ZNF587: variants seen among roughly 807,000 people sequenced by gnomAD.
The protein encoded by ZNF587 is zinc finger protein zfp6.
ZNF587 carries 8 observed loss-of-function variants against 7.5 expected under a neutral mutation model. The observed-to-expected ratio is 1.06, with a 90% CI of 0.62 to 1.92. The LOEUF (loss-of-function observed/expected upper bound fraction) is 1.92, where lower values mean the gene tolerates loss of function less well. Among genes scored for constraint, ZNF587 ranks in the 40% most tolerant of loss-of-function variants. The pLI, the probability that ZNF587 is intolerant of heterozygous loss-of-function variation, is 0.00. For missense variants in ZNF587, 468 were observed against 692.8 expected (o/e 0.68, Z 3.64); for synonymous variants, 145 against 237.8 (o/e 0.61, Z 3.59).
intron 2 of ZNF587, among the ~76,000 whole-genome samples, chr19:57,857,520 A>ACCT (rs778822090): frequency 6.6e-6 from 1 of 151,756 alleles, no homozygotes; most frequent in African/African-American, 2.4e-5. Flanking sequence ...CCATGGTTAA[A>ACCT]CCATCTATGA....
At position 57,861,586 on chromosome 19, in the gene ZNF587, C is replaced by CAA. The variant is rs1272827715; in HGVS notation, c.*1449_*1450dup. Reference sequence around the variant, plus strand: ...TCAGGCGATCCACTTGCCTAGGCTCCAAAAGTGCTTGGTCTACAGGGGTGA... The same window carrying CAA: ...TCAGGCGATCCACTTGCCTAGGCTCCAAAAAAGTGCTTGGTCTACAGGGGTGA... On this transcript the variant is annotated 3_prime_UTR_variant, in exon 3 of 3. Transcript: ENST00000339656. 1.3e-5 allele frequency: 2 copies of CAA among 152,256 alleles called. No individual in the cohort carries two copies. The highest frequency in any genetic ancestry group is 4.8e-5 in the African/African-American group (2 of 41,528). The allele number at this position is 152,256 out of a possible 1,614,324, so 9.4% of individuals were successfully genotyped here.
chr19:57,855,422 G>A (rs916961630), intron 1 of ZNF587, among the ~76,000 whole-genome samples: 3 of 152,094 alleles, frequency 2.0e-5, no homozygotes, highest in Non-Finnish European at 2.9e-5. Context: ...CTCTGGTGGG[G>A]GTGGCCATGG....
Position 57,861,164 on chromosome 19 carries a change from A to C in ZNF587, c.*1024A>C, listed in dbSNP as rs981565457. 4 of 152,184 alleles carry C rather than the reference A, an allele frequency of 2.6e-5. No individual in the cohort carries two copies. The highest frequency in any genetic ancestry group is 5.9e-5 in the Non-Finnish European group (4 of 68,038). 9.4% of individuals were successfully genotyped at this position (152,184 alleles called of 1,614,324 possible). On this transcript the variant is annotated 3_prime_UTR_variant, in exon 3 of 3. Transcript: ENST00000339656. ...GGCCTAATGTACAACTTTTTAAGCA[A>C]TGCCAAACTATGACTTAAGAATGAA...
chr19:57,853,123 G>C (rs2071303732), intron 1 of ZNF587, among the ~76,000 whole-genome samples: 2 of 152,168 alleles, frequency 1.3e-5, no homozygotes, highest in African/African-American at 2.4e-5. Flanking sequence ...CAAGTGCTGG[G>C]ATTATAGGCA....
chr19:57,859,168 T>C lies in ZNF587; in HGVS notation c.756T>C (p.Tyr252=), dbSNP rs1194888647. ...CSDCGKSFSR[Y]VSFSNHQRDH... is the part of the protein sequence containing the mutation. Reference sequence around the variant, plus strand: ...ATTGTGGAAAATCCTTTAGCAGATATGTCAGCTTCAGTAATCATCAGCGAG... The same window carrying C: ...ATTGTGGAAAATCCTTTAGCAGATACGTCAGCTTCAGTAATCATCAGCGAG... Residue 252 remains tyrosine, a synonymous_variant, in exon 3 of 3, where the codon TAT becomes TAC. Transcript: ENST00000339656. The C allele has an allele frequency of 6.2e-7, 1 of 1,609,606 alleles. No homozygotes were observed. Among genetic ancestry groups the C allele is most frequent in the African/African-American group, 1.4e-5 (1 of 73,410 alleles).
chr19:57,854,977 C>A (rs2071333132), intron 1 of ZNF587, among the ~76,000 whole-genome samples: 1 of 151,422 alleles, frequency 6.6e-6, no homozygotes, highest in Non-Finnish European at 1.5e-5. Flanking sequence ...GAGATCGAGA[C>A]CATCCTGGCT....
At chr19:57,857,154 C>A (rs1600122825) in intron 2 of ZNF587, 1 of 152,050 alleles carries the variant, frequency 6.6e-6, no homozygotes, top group East Asian at 1.9e-4. Flanking sequence ...CCATGTTTGA[C>A]AAGATGTGGT....
At chr19:57,854,666 C>T (rs925433504) in intron 1 of ZNF587, among the ~76,000 whole-genome samples, 6 of 151,910 alleles carry the variant, frequency 3.9e-5, no homozygotes, top group African/African-American at 1.4e-4. Context: ...CCATCCCTAC[C>T]AGCAGAGTTA....
intron 1 of ZNF587, 82 bp downstream of exon 1, chr19:57,850,153 T>G (rs578227686): frequency 1.2e-6 from 2 of 1,612,522 alleles, no homozygotes; most frequent in Non-Finnish European, 1.7e-6. Flanking sequence ...CTCCTGCTCG[T>G]GGGTCTGTAG....
Position 57,860,128 on chromosome 19 carries a change from A to T in ZNF587, c.1716A>T (p.Arg572Ser). 2 of 1,614,178 alleles carry T rather than the reference A, an allele frequency of 1.2e-6. No homozygotes were observed. The highest frequency in any genetic ancestry group is 1.7e-6 in the Non-Finnish European group (2 of 1,180,014). ...TTCATCATCAGAGTTCACACAGGAG[A>T]AAGGCCTTATGAGTGCAGTGAATAT... Reference protein sequence around the residue: ...TLLHHQSSHRRKAL With the variant: ...TLLHHQSSHRSKAL The change falls in exon 3 of 3, where the codon AGA (arginine) becomes AGT (serine). Residue 572 changes from arginine (R) to serine (S), a missense_variant. Arg to Ser is a moderately radical substitution (Grantham distance 110). This residue lies in a region of ZNF587 where 310 missense variants were observed against 325.6 expected (regional missense o/e 0.95). Transcript: ENST00000339656.
rs762967877 is a variant in ZNF587 at position 57,858,900 on chromosome 19, T to G, written c.488T>G (p.Leu163Arg). Residue 163 changes from leucine to arginine, a missense_variant, in exon 3 of 3, where the codon CTC becomes CGC. This residue lies in a region of ZNF587 where 23 missense variants were observed against 166.4 expected (regional missense o/e 0.14). Coordinates refer to ENST00000339656, the MANE Select transcript of ZNF587 (RefSeq NM_032828.4). Reference protein sequence around the residue: ...REASFVKKRKLRVSQEPFVFR... With the variant: ...REASFVKKRKRRVSQEPFVFR... ...GCATCGTTTGTAAAGAAACGTAAGC[T>G]CAGGGTGTCACAGGAGCCATTTGTC... 1 of 1,611,006 alleles carries G rather than the reference T, an allele frequency of 6.2e-7. No individual in the cohort carries two copies. Among genetic ancestry groups the G allele is most frequent in the Admixed American group, 1.7e-5 (1 of 59,704 alleles).
intron 1 of ZNF587, among the ~76,000 whole-genome samples, chr19:57,855,308 G>A (rs149171089): frequency 4.0e-4 from 61 of 152,230 alleles, no homozygotes; most frequent in Non-Finnish European, 6.9e-4. Context: ...TTGTGTTCCT[G>A]CACTCCAGCC....
chr19:57,853,225 C>T (rs1461460711), intron 1 of ZNF587, among the ~76,000 whole-genome samples: 1 of 152,192 alleles, frequency 6.6e-6, no homozygotes, highest in African/African-American at 2.4e-5. Flanking sequence ...GGTTTTTGAT[C>T]TTAGCAGCTG....
At chr19:57,856,772 G>T (rs1568507430) in intron 2 of ZNF587, among the ~76,000 whole-genome samples, 1 of 152,030 alleles carries the variant, frequency 6.6e-6, no homozygotes, top group Non-Finnish European at 1.5e-5. Context: ...GAAGGAGTCA[G>T]AGTCAGGAGT....
At chr19:57,855,904 A>G in intron 1 of ZNF587, 200 bp from the exon 2 acceptor site, 1 of 886,040 alleles carries the variant, frequency 1.1e-6, no homozygotes, top group South Asian at 1.8e-5. Flanking sequence ...CAGCATGGAT[A>G]CCTATTTGTC....
chr19:57,859,725 G>C lies in ZNF587; in HGVS notation c.1313G>C (p.Cys438Ser). 1 of 1,613,788 alleles carries C rather than the reference G, an allele frequency of 6.2e-7. No homozygotes were observed. Among genetic ancestry groups the C allele is most frequent in the Non-Finnish European group, 8.5e-7 (1 of 1,179,956 alleles). The change falls in exon 3 of 3, where the codon TGT becomes TCT. Residue 438 changes from cysteine to serine, a missense_variant. By Grantham distance (112) the Cys-to-Ser change is moderately radical. Around this residue, in one of 5 missense-constraint regions of ZNF587, gnomAD observed 310 missense variants for 325.6 expected, o/e 0.95. Transcript: ENST00000339656. ...RLHTGERPYN[C>S]RECGKLFNRK... Reference sequence around the variant, plus strand: ...CACACTGGGGAAAGACCTTACAATTGTAGGGAATGTGGGAAATTATTTAAC... The same window carrying C: ...CACACTGGGGAAAGACCTTACAATTCTAGGGAATGTGGGAAATTATTTAAC...
At position 57,861,768 on chromosome 19, in the gene ZNF587, G is replaced by GTTTTCTTT. The variant is rs995903476; in HGVS notation, c.*1633_*1640dup. ...GTCACTTTGCTGCAAGGAATATTTG[G>GTTTTCTTT]TTTTCTTTTTTTTTTTTTTTTCCAG... On this transcript the variant is annotated 3_prime_UTR_variant, in exon 3 of 3. Transcript: ENST00000339656. The GTTTTCTTT allele has an allele frequency of 1.1e-5, 1 of 90,788 alleles. No homozygotes were observed. The highest frequency in any genetic ancestry group is 4.8e-5 in the African/African-American group (1 of 20,890). The allele number at this position is 90,788 out of a possible 1,614,324, so 5.6% of individuals were successfully genotyped here. A position where few individuals can be genotyped will look rare whatever the true frequency, so the allele number is the denominator to read the frequency against.
At chr19:57,854,784 T>G (rs1266836318) in intron 1 of ZNF587, among the ~76,000 whole-genome samples, 5 of 152,008 alleles carry the variant, frequency 3.3e-5, no homozygotes, top group African/African-American at 4.8e-5. Flanking sequence ...CTCACCCCTA[T>G]AATCTCCTCA....
chr19:57,854,965 T>C (rs1048280722), intron 1 of ZNF587, among the ~76,000 whole-genome samples: 70 of 149,672 alleles, frequency 4.7e-4, no homozygotes, highest in Non-Finnish European at 4.0e-4. Context: ...TCAGGAAGTA[T>C]GGAGATCGAG....
Sources: allele counts gnomAD v4.1 joint callset (sites outside exome capture counted in the v4.1 genomes callset), GRCh38; gene constraint gnomAD v4.1.1; regional missense constraint gnomAD v4.1.1; transcripts MANE v1.5; gene names NCBI Gene and HGNC (gene_info 2026-07-23, HGNC 2026-07-21).